The following FEZF1 variants were observed in gnomAD, a reference collection of about 807,000 sequenced individuals.
The protein encoded by FEZF1 is fez family zinc finger protein 1.
FEZF1 carries 8 observed loss-of-function variants against 32.4 expected under a neutral mutation model. The observed-to-expected ratio is 0.25, with a 90% CI of 0.15 to 0.45. FEZF1 has a LOEUF of 0.45. FEZF1 is among the 20% of genes least tolerant of loss of function. FEZF1 has a pLI of 1.00. For missense variants in FEZF1, 546 were observed against 622.3 expected (o/e 0.88, Z 1.31); for synonymous variants, 259 against 265.2 (o/e 0.98, Z 0.23).
chr7:122,304,710 G>C lies in FEZF1; in HGVS notation c.-273C>G, dbSNP rs1052724147. The C allele has an allele frequency of 2.5e-6, 1 of 399,482 alleles. No homozygotes were observed. The highest frequency in any genetic ancestry group is 3.6e-5 in the Admixed American group (1 of 27,534). The allele number at this position is 399,482 out of a possible 1,614,324, so 24.7% of individuals were successfully genotyped here. On this transcript the variant is annotated 5_prime_UTR_variant, in exon 1 of 4. It adds an upstream start codon to the 5' untranslated region. Transcript: ENST00000442488. ...AGTGTTGTGTCAATAACGCAGCCAAGATCTCGCCAATCGTTAACTTCCAAG... is the reference window on the plus strand; with the variant it reads ...AGTGTTGTGTCAATAACGCAGCCAACATCTCGCCAATCGTTAACTTCCAAG...
chr7:122,303,898 C>T lies in FEZF1; in HGVS notation c.540G>A (p.Pro180=). The change falls in exon 1 of 4, where the codon CCG becomes CCA. Residue 180 remains proline (P), a synonymous_variant. Transcript: ENST00000442488. ...GGGAACTGAGGAAGTAGGAGGCCAC[C>T]GGGTGGATGTTCACGCCGGCTGCCG... ...CHPAAGVNIH[P]VASYFLSSPL... 6.2e-7 allele frequency: 1 copy of T among 1,613,804 alleles called. No individual in the cohort carries two copies. The highest frequency in any genetic ancestry group is 2.2e-5 in the East Asian group (1 of 44,862).
Position 122,302,610 on chromosome 7 carries a change from A to G in FEZF1, c.1069+189T>C, listed in dbSNP as rs1317197790. Among the ~76,000 whole-genome samples, 4 of 152,228 alleles carry G rather than the reference A, an allele frequency of 2.6e-5. No individual in the cohort carries two copies. Among genetic ancestry groups the G allele is most frequent in the Non-Finnish European group, 1.5e-5 (1 of 68,048 alleles). The stretch of plus-strand genomic sequence containing the variant: ...TTACATACAATGAGAGCATGCAGTT[A>G]AAACATATACCCTTGTTTTATGAAT... On this transcript the variant is annotated intron_variant, in intron 3 of 3. Coordinates refer to ENST00000442488, the MANE Select transcript of FEZF1 (RefSeq NM_001024613.4). This position sits in a 1 kb window ranked among gnomAD's most constrained non-coding sequence, Gnocchi z 4.4.
upstream of FEZF1, chr7:122,306,509 A>G (rs1394681880): frequency 2.0e-5 from 3 of 152,222 alleles, no homozygotes; most frequent in Non-Finnish European, 4.4e-5. Context: ...TTCTCAACAC[A>G]TGCCAGGCAA....
chr7:122,303,500 AG>A, intron 1 of FEZF1, 136 bp downstream of exon 1: 5 of 475,860 alleles, frequency 1.1e-5, no homozygotes, highest in Non-Finnish European at 1.8e-5. Flanking sequence ...GAAGGAAGGA[AG>A]GAAGGAAGGA....
At position 122,303,682 on chromosome 7, in the gene FEZF1, A is replaced by G. The variant is rs762902892; in HGVS notation, c.756T>C (p.Ser252=). Reference sequence around the variant, plus strand: ...TGAAAACTTTGGGCTTGGCATTAGGAGAGCCTCGGCTGAAATCCGAGGTTT... The same window carrying G: ...TGAAAACTTTGGGCTTGGCATTAGGGGAGCCTCGGCTGAAATCCGAGGTTT... The part of the protein sequence containing the change: ...AFKTSDFSRG[S]PNAKPKVFTC... Residue 252 remains serine, a synonymous_variant, in exon 1 of 4, where the codon TCT becomes TCC. Coordinates refer to ENST00000442488, the MANE Select transcript of FEZF1 (RefSeq NM_001024613.4). 3 of 1,614,186 alleles carry G rather than the reference A, an allele frequency of 1.9e-6. No homozygotes were observed. Among genetic ancestry groups the G allele is most frequent in the Non-Finnish European group, 2.5e-6 (3 of 1,180,036 alleles).
intron 2 of FEZF1, 101 bp downstream of exon 2, chr7:122,303,076 C>T (rs1399683559): frequency 1.3e-6 from 2 of 1,569,962 alleles, no homozygotes; most frequent in Non-Finnish European, 1.7e-6. Context: ...TTAGCTAGCA[C>T]TTTTTAAATG....
chr7:122,304,688 G>GT lies in FEZF1; in HGVS notation c.-252dup. 1 of 424,250 alleles carries GT rather than the reference G, an allele frequency of 2.4e-6. No homozygotes were observed. Among genetic ancestry groups the GT allele is most frequent in the Admixed American group, 3.5e-5 (1 of 28,854 alleles). The allele number at this position is 424,250 out of a possible 1,614,324, so 26.3% of individuals were successfully genotyped here. A position where few individuals can be genotyped will look rare whatever the true frequency, so the allele number is the denominator to read the frequency against. ...CTACTTATTTCTATCAATAGAAAGT[G>GT]TTGTGTCAATAACGCAGCCAAGATC... On this transcript the variant is annotated 5_prime_UTR_variant, in exon 1 of 4. Coordinates refer to ENST00000442488, the MANE Select transcript of FEZF1 (RefSeq NM_001024613.4).
chr7:122,306,652 G>A (rs1348255257), upstream of FEZF1: 1 of 152,364 alleles, frequency 6.6e-6, no homozygotes, highest in Non-Finnish European at 1.5e-5. Context: ...GAAAGGCAGT[G>A]GCAGCTGGGT....
In FEZF1 at chr7:122,301,841, G is replaced by T; in HGVS notation, c.*156C>A. The T allele has an allele frequency of 1.0e-6, 1 of 985,434 alleles. No homozygotes were observed. The highest frequency in any genetic ancestry group is 1.5e-6 in the Non-Finnish European group (1 of 682,920). 61.0% of individuals were successfully genotyped at this position (985,434 alleles called of 1,614,324 possible). On this transcript the variant is annotated 3_prime_UTR_variant, in exon 4 of 4. Coordinates refer to ENST00000442488, the MANE Select transcript of FEZF1 (RefSeq NM_001024613.4). ...AACCATTTAGCAGGTGCATGCAAGAGGCGAAAGGCCAGGGGATGCAGAGGC... is the reference window on the plus strand; with the variant it reads ...AACCATTTAGCAGGTGCATGCAAGATGCGAAAGGCCAGGGGATGCAGAGGC...
At chr7:122,305,562 A>G (rs1320152067), upstream of FEZF1, 2 of 152,222 alleles carry the variant, frequency 1.3e-5, no homozygotes, top group East Asian at 3.9e-4. Flanking sequence ...CCCACCCAGG[A>G]TACACACAGA....
upstream of FEZF1, among the ~76,000 whole-genome samples, chr7:122,308,224 A>G (rs1469202170): frequency 6.6e-6 from 1 of 152,122 alleles, no homozygotes; most frequent in Non-Finnish European, 1.5e-5. Context: ...GAAAGGCAGT[A>G]TTTATAACCT....
intron 1 of FEZF1, 87 bp from the exon 2 acceptor site, chr7:122,303,398 T>G: frequency 1.3e-6 from 2 of 1,516,534 alleles, no homozygotes; most frequent in Non-Finnish European, 1.8e-6. Context: ...AGGAAGAGAA[T>G]CTTAACAAAA....
At position 122,301,450 on chromosome 7, in the gene FEZF1, G is replaced by A. The variant is rs1584957721; in HGVS notation, c.*547C>T. On this transcript the variant is annotated 3_prime_UTR_variant, in exon 4 of 4. Transcript: ENST00000442488. ...GTATGGGTGTGTGCTCACGAATGTGGAATGTACCCCTATGGGCGCACACAT... is the reference window on the plus strand; with the variant it reads ...GTATGGGTGTGTGCTCACGAATGTGAAATGTACCCCTATGGGCGCACACAT... The A allele has an allele frequency of 6.6e-6, 1 of 152,422 alleles. No homozygotes were observed. The highest frequency in any genetic ancestry group is 1.5e-5 in the Non-Finnish European group (1 of 68,126). The allele number at this position is 152,422 out of a possible 1,614,324, so 9.4% of individuals were successfully genotyped here. A position where few individuals can be genotyped will look rare whatever the true frequency, so the allele number is the denominator to read the frequency against.
At position 122,302,669 on chromosome 7, in the gene FEZF1, T is replaced by G. The variant is rs2031087840; in HGVS notation, c.1069+130A>C. 2 of 1,009,670 alleles carry G rather than the reference T, an allele frequency of 2.0e-6. No individual in the cohort carries two copies. Among genetic ancestry groups the G allele is most frequent in the Non-Finnish European group, 3.0e-6 (2 of 663,364 alleles). 62.5% of individuals were successfully genotyped at this position (1,009,670 alleles called of 1,614,324 possible). A position where few individuals can be genotyped will look rare whatever the true frequency, so the allele number is the denominator to read the frequency against. ...TCTCTAATACTAATCAGACTTCGAG[T>G]AGGGAGTTAGAATGGCAACAAAAGT... On this transcript the variant is annotated intron_variant, in intron 3 of 3. Coordinates refer to ENST00000442488, the MANE Select transcript of FEZF1 (RefSeq NM_001024613.4). The surrounding 1 kb of genome is among the most constrained non-coding windows in gnomAD (Gnocchi z 4.4).
chr7:122,308,096 T>C (rs2031334479), upstream of FEZF1, among the ~76,000 whole-genome samples: 1 of 152,262 alleles, frequency 6.6e-6, no homozygotes, highest in Admixed American at 6.5e-5. Context: ...GCCTTGTTTG[T>C]TTTGTTAATG....
rs768824348 is a variant in FEZF1 at position 122,303,878 on chromosome 7, C to G, written c.560G>C (p.Ser187Thr). 1.2e-6 allele frequency: 2 copies of G among 1,614,152 alleles called. No individual in the cohort carries two copies. The highest frequency in any genetic ancestry group is 1.7e-5 in the Admixed American group (1 of 60,030). The part of the protein sequence containing the change: ...NIHPVASYFL[S>T]SPLHPQPKTY... ...TTTTGGCTGCGGGTGCAAAGGGGAA[C>G]TGAGGAAGTAGGAGGCCACCGGGTG... The change falls in exon 1 of 4, where the codon AGT (serine) becomes ACT (threonine). Residue 187 changes from serine (S) to threonine (T), a missense_variant. By Grantham distance (58) the Ser-to-Thr change is moderately conservative (BLOSUM62 1). Coordinates refer to ENST00000442488, the MANE Select transcript of FEZF1 (RefSeq NM_001024613.4).
chr7:122,305,692 A>G (rs536310234), upstream of FEZF1: 1 of 152,342 alleles, frequency 6.6e-6, no homozygotes, highest in East Asian at 1.9e-4. Context: ...TGCCGAGCGG[A>G]GAAGGGAAAC....
In FEZF1 at chr7:122,302,824, G is replaced by T. The variant is rs761661056; in HGVS notation, c.1044C>A (p.Phe348Leu). The change falls in exon 3 of 4, where the codon TTC becomes TTA. Residue 348 changes from phenylalanine (F) to leucine (L), a missense_variant. Transcript: ENST00000442488. This position sits in a 1 kb window ranked among gnomAD's most constrained non-coding sequence, Gnocchi z 4.4. ...HAGYKPFVCE[F>L]CGKGFHQKGN... ...CTTTTTGATGAAACCCTTTGCCACA[G>T]AATTCACACACAAACGGTTTGTAGC... is the stretch of plus-strand genomic sequence containing the variant. 1.2e-6 allele frequency: 2 copies of T among 1,614,030 alleles called. No individual in the cohort carries two copies. Among genetic ancestry groups the T allele is most frequent in the East Asian group, 4.5e-5 (2 of 44,860 alleles).
upstream of FEZF1, chr7:122,308,643 T>C (rs916836312): frequency 6.6e-6 from 1 of 152,218 alleles, no homozygotes; most frequent in South Asian, 2.1e-4. Flanking sequence ...ATACTATTGA[T>C]TTTTTTAAAT....
Sources: allele counts gnomAD v4.1 joint callset (sites outside exome capture counted in the v4.1 genomes callset), GRCh38; gene constraint gnomAD v4.1.1; non-coding constraint Gnocchi (gnomAD v3.1); transcripts MANE v1.5; gene names NCBI Gene and HGNC (gene_info 2026-07-23, HGNC 2026-07-21).